The following PARD3 variants were observed in gnomAD, a reference collection of about 807,000 sequenced individuals.
PARD3 encodes the protein par-3 family cell polarity regulator, also known as partitioning defective 3 homolog.
In PARD3, 75 loss-of-function variants were observed where a neutral mutation model predicts 155.4. That is an observed-to-expected ratio of 0.48 (90% CI 0.40 to 0.58). PARD3 has a LOEUF of 0.58. Ranked by LOEUF, PARD3 falls within the 20% of genes least tolerant of loss-of-function variation. The pLI is 0.00. For missense variants in PARD3, 1,642 were observed against 1,721.7 expected (o/e 0.95, Z 0.82); for synonymous variants, 576 against 610.5 (o/e 0.94, Z 0.83).
At chr10:34,288,609 C>T (rs1164134998) in intron 20 of PARD3, among the ~76,000 whole-genome samples, 1 of 152,180 alleles carries the variant, frequency 6.6e-6, no homozygotes, top group African/African-American at 2.4e-5. Context: ...GACAGTTTCA[C>T]AGCTGAAATT....
chr10:34,501,052 T>C (rs182236606), intron 3 of PARD3, among the ~76,000 whole-genome samples: 23 of 152,336 alleles, frequency 1.5e-4, no homozygotes, highest in Non-Finnish European at 2.8e-4. Flanking sequence ...ACCACAATTA[T>C]ATAATGGCTA....
chr10:34,510,252 T>C (rs1432654624), intron 3 of PARD3, among the ~76,000 whole-genome samples: 1 of 152,062 alleles, frequency 6.6e-6, no homozygotes, highest in African/African-American at 2.4e-5. Flanking sequence ...ATGCCAGCAG[T>C]TTCCAATCAG....
At chr10:34,408,059 A>C (rs895186405) in intron 5 of PARD3, among the ~76,000 whole-genome samples, 1 of 152,158 alleles carries the variant, frequency 6.6e-6, no homozygotes, top group East Asian at 1.9e-4. Flanking sequence ...ATCTACATTC[A>C]AATTCTGAGG....
intron 5 of PARD3, among the ~76,000 whole-genome samples, chr10:34,428,971 C>A (rs1404209007): frequency 1.3e-5 from 2 of 152,034 alleles, no homozygotes; most frequent in African/African-American, 2.4e-5. Flanking sequence ...AAAGAATAAA[C>A]AATAAACAAT....
chr10:34,479,841 G>A (rs16935443), intron 3 of PARD3, among the ~76,000 whole-genome samples: 5,323 of 152,150 alleles, frequency 0.035, 315 homozygotes, highest in African/African-American at 0.12. Context: ...AGTGTTTTGC[G>A]GACTCAGAGA....
chr10:34,552,106 C>CA (rs973891938), intron 2 of PARD3, among the ~76,000 whole-genome samples: 6 of 151,866 alleles, frequency 4.0e-5, no homozygotes, highest in South Asian at 2.1e-4. Context: ...AATCTAACTT[C>CA]AAAAAAAATC....
intron 7 of PARD3, among the ~76,000 whole-genome samples, chr10:34,384,603 C>T (rs1049641996): frequency 6.6e-6 from 1 of 152,086 alleles, no homozygotes; most frequent in Non-Finnish European, 1.5e-5. Flanking sequence ...TTTTGAATGG[C>T]TTGGGCAATT....
intron 1 of PARD3, among the ~76,000 whole-genome samples, chr10:34,750,030 TACACACACACAC>T (rs71984849): frequency 0.027 from 3,839 of 140,776 alleles, 167 homozygotes; most frequent in African/African-American, 0.093. Flanking sequence ...TCAAAAAAAG[TACACACACACAC>T]ACACACACAC....
chr10:34,573,778 CACACACAGAG>C lies in PARD3; in HGVS notation c.223-56629_223-56620del, dbSNP rs1564368097. ...ACACACACACACACACACACACACA[CACACACAGAG>C]AATCAGCCTCCAAGTACCGAACTAT... On this transcript the variant is annotated intron_variant, in intron 2 of 24. Coordinates refer to ENST00000374788, the MANE Select transcript of PARD3 (RefSeq NM_001184785.2). Among the ~76,000 whole-genome samples, 5 of 139,638 alleles carry C rather than the reference CACACACAGAG, an allele frequency of 3.6e-5. No homozygotes were observed. In the South Asian group the frequency reaches 8.6e-4, roughly 24 times the overall value. 91.6% of individuals were successfully genotyped at this position (139,638 alleles called of 152,430 possible).
Position 34,704,176 on chromosome 10 carries a change from A to G in PARD3, c.121-7757T>C, listed in dbSNP as rs76774170. On this transcript the variant is annotated intron_variant, in intron 1 of 24. Transcript: ENST00000374788. ...CACTGAAAGAGTACCCAATGCAACT[A>G]AACACAGCAAGACACAATTTTAACA... is the stretch of plus-strand genomic sequence containing the variant. Among the ~76,000 whole-genome samples the G allele has an allele frequency of 7.6e-3, 1,164 of 152,318 alleles. 14 individuals are homozygous for G. The highest frequency in any genetic ancestry group is 0.027 in the African/African-American group (1,123 of 41,560).
At chr10:34,489,746 T>G (rs2079760573) in intron 3 of PARD3, among the ~76,000 whole-genome samples, 1 of 152,208 alleles carries the variant, frequency 6.6e-6, no homozygotes, top group South Asian at 2.1e-4. Context: ...AATGAGCCAA[T>G]TAAGTCTGTA....
chr10:34,489,986 C>T (rs949801074), intron 3 of PARD3, among the ~76,000 whole-genome samples: 1 of 152,106 alleles, frequency 6.6e-6, no homozygotes, highest in Admixed American at 6.6e-5. Context: ...AAGCCTCAGT[C>T]GTCAAGCCAC....
intron 1 of PARD3, among the ~76,000 whole-genome samples, chr10:34,785,440 T>A (rs921686848): frequency 6.8e-6 from 1 of 146,600 alleles, no homozygotes; most frequent in African/African-American, 2.5e-5. Flanking sequence ...TGCATCATAC[T>A]TTTTTTTTTT....
chr10:34,448,808 AAAATT>A lies in PARD3; in HGVS notation c.714+1504_714+1508del, dbSNP rs557278638. On this transcript the variant is annotated intron_variant, in intron 5 of 24. Coordinates refer to ENST00000374788, the MANE Select transcript of PARD3 (RefSeq NM_001184785.2). ...TGACAGAGCAAGACCTTATCTCAAA[AAAATT>A]AAATTAAATTAAATTTTAAAAAATT... 7.3e-4 allele frequency among the ~76,000 whole-genome samples: 111 copies of A among 152,266 alleles called. 1 individual carries two copies. In the South Asian group the frequency reaches 7.9e-3, roughly 11 times the overall value.
intron 5 of PARD3, among the ~76,000 whole-genome samples, chr10:34,429,403 T>C (rs892086998): frequency 6.6e-6 from 1 of 151,512 alleles, no homozygotes; most frequent in Non-Finnish European, 1.5e-5. Context: ...TTTTTTTTTT[T>C]CCTTTTTTTG....
intron 2 of PARD3, among the ~76,000 whole-genome samples, chr10:34,681,043 GA>G (rs2093807640): frequency 6.6e-6 from 1 of 151,940 alleles, no homozygotes; most frequent in Admixed American, 6.6e-5. Flanking sequence ...TACAGCTGGT[GA>G]ATAATATAAA....
chr10:34,304,615 C>A (rs140565369), intron 20 of PARD3, among the ~76,000 whole-genome samples: 3 of 152,112 alleles, frequency 2.0e-5, no homozygotes, highest in Non-Finnish European at 4.4e-5. Flanking sequence ...AGGAACACGG[C>A]CTTTGAGGTT....
chr10:34,196,025 A>T (rs1031110967), intron 22 of PARD3, among the ~76,000 whole-genome samples: 2 of 152,226 alleles, frequency 1.3e-5, no homozygotes, highest in African/African-American at 4.8e-5. Flanking sequence ...TATTAGCTAT[A>T]ATAGAATTGG....
chr10:34,375,102 A>G (rs1240310642), intron 10 of PARD3, 100 bp from the exon 11 acceptor site: 3 of 847,106 alleles, frequency 3.5e-6, no homozygotes, highest in Non-Finnish European at 5.5e-6. Flanking sequence ...ACACTCTAGG[A>G]CTAGCCATAT....
Sources: allele counts gnomAD v4.1 joint callset (sites outside exome capture counted in the v4.1 genomes callset), GRCh38; gene constraint gnomAD v4.1.1; transcripts MANE v1.5; gene names NCBI Gene and HGNC (gene_info 2026-07-23, HGNC 2026-07-21).